The following PLS1 variants were observed in gnomAD, a reference collection of about 807,000 sequenced individuals.
PLS1 encodes the protein plastin-1.
PLS1 carries 32 observed loss-of-function variants against 73.7 expected under a neutral mutation model. That is an observed-to-expected ratio of 0.43 (90% CI 0.33 to 0.58). The LOEUF is 0.58. Ranked by LOEUF, PLS1 falls within the 20% of genes least tolerant of loss-of-function variation. PLS1 has a pLI of 0.04. For missense variants in PLS1, 633 were observed against 740.5 expected, an observed-to-expected ratio of 0.85 and a Z score of 1.68; for synonymous variants, 217 against 261.3, an observed-to-expected ratio of 0.83 and a Z score of 1.63.
intron 1 of PLS1, among the ~76,000 whole-genome samples, chr3:142,611,698 T>C (rs1388903021): frequency 1.3e-5 from 2 of 152,202 alleles, no homozygotes; most frequent in Non-Finnish European, 2.9e-5. Flanking sequence ...ATGTACATAC[T>C]ATATACATAA....
chr3:142,663,626 G>A (rs2037418721), intron 1 of PLS1, among the ~76,000 whole-genome samples: 1 of 152,122 alleles, frequency 6.6e-6, no homozygotes, highest in African/African-American at 2.4e-5. Flanking sequence ...TTAAGCCTAG[G>A]AGTTCGGGAC....
At chr3:142,693,826 G>T (rs942055831) in intron 10 of PLS1, among the ~76,000 whole-genome samples, 3 of 150,996 alleles carry the variant, frequency 2.0e-5, no homozygotes, top group Non-Finnish European at 4.4e-5. Flanking sequence ...GATGAAATCT[G>T]TCTTTCTCTT....
At chr3:142,621,764 T>A (rs2036319805) in intron 1 of PLS1, among the ~76,000 whole-genome samples, 1 of 152,214 alleles carries the variant, frequency 6.6e-6, no homozygotes, top group Non-Finnish European at 1.5e-5. Context: ...ATCCATTTTT[T>A]AAAAGGACAC....
chr3:142,695,610 A>AT (rs1160317178), intron 11 of PLS1, among the ~76,000 whole-genome samples: 11 of 152,324 alleles, frequency 7.2e-5, no homozygotes, highest in Admixed American at 7.2e-4. Flanking sequence ...ATAGTCAAGA[A>AT]AAAAGAATAA....
intron 1 of PLS1, among the ~76,000 whole-genome samples, chr3:142,634,807 A>G (rs1434989227): frequency 6.6e-6 from 1 of 152,166 alleles, no homozygotes; most frequent in Admixed American, 6.6e-5. Flanking sequence ...ACATGAGTAA[A>G]CAGATAAGAT....
Position 142,632,936 on chromosome 3 carries a change from T to A in PLS1, c.-36-31266T>A, listed in dbSNP as rs183675103. 3.3e-5 allele frequency among the ~76,000 whole-genome samples: 5 copies of A among 152,314 alleles called. No homozygotes were observed. In the East Asian group the frequency reaches 9.6e-4, roughly 29 times the overall value. On this transcript the variant is annotated intron_variant, in intron 1 of 15. Coordinates refer to ENST00000457734, the MANE Select transcript of PLS1 (RefSeq NM_001145319.2). ...TTAAACAGATATTTGCATATCCATG[T>A]TCATTGCATCATTAGTCACAACAGT...
At position 142,704,365 on chromosome 3, in the gene PLS1, T is replaced by C; in HGVS notation, c.1506-98T>C. The C allele has an allele frequency of 3.2e-6, 3 of 932,020 alleles. No individual in the cohort carries two copies. The South Asian group carries it at 5.1e-5, about 16-fold the overall frequency. The allele number at this position is 932,020 out of a possible 1,614,324, so 57.7% of individuals were successfully genotyped here. A position where few individuals can be genotyped will look rare whatever the true frequency, so the allele number is the denominator to read the frequency against. On this transcript the variant is annotated intron_variant, in intron 13 of 15. Transcript: ENST00000457734. ...TAAAATTAGAAATATTTATTAGAACTGAACTATTTCTTAAGTATTTATCTA... is the reference window on the plus strand; with the variant it reads ...TAAAATTAGAAATATTTATTAGAACCGAACTATTTCTTAAGTATTTATCTA...
chr3:142,639,883 A>C (rs182083786), intron 1 of PLS1, among the ~76,000 whole-genome samples: 10 of 152,330 alleles, frequency 6.6e-5, no homozygotes, highest in Admixed American at 1.3e-4. Flanking sequence ...CATAGTGTTA[A>C]ACACTAAGCA....
intron 1 of PLS1, among the ~76,000 whole-genome samples, chr3:142,631,604 T>C (rs2036564568): frequency 1.6e-5 from 2 of 127,166 alleles, no homozygotes; most frequent in African/African-American, 6.0e-5. Context: ...GAGGGTGCAG[T>C]GCGCCAAGAT....
intron 1 of PLS1, among the ~76,000 whole-genome samples, chr3:142,612,563 A>G (rs2036143245): frequency 6.6e-6 from 1 of 152,068 alleles, no homozygotes; most frequent in African/African-American, 2.4e-5. Flanking sequence ...AGTAAACACA[A>G]CTGAAAGATT....
At chr3:142,683,926 A>ATTGTTTCT in intron 6 of PLS1, 80 bp from the exon 7 acceptor site, 2 of 1,006,192 alleles carry the variant, frequency 2.0e-6, no homozygotes. Flanking sequence ...TTGGCAGTCC[A>ATTGTTTCT]TTGTTTCTTA....
chr3:142,637,987 C>T (rs369886718), intron 1 of PLS1, among the ~76,000 whole-genome samples: 48 of 152,186 alleles, frequency 3.2e-4, no homozygotes, highest in African/African-American at 9.4e-4. Context: ...CCAGCGCCAT[C>T]GGAAAAGGTG....
At chr3:142,647,842 C>A (rs2036992318) in intron 1 of PLS1, among the ~76,000 whole-genome samples, 1 of 152,146 alleles carries the variant, frequency 6.6e-6, no homozygotes, top group Non-Finnish European at 1.5e-5. Flanking sequence ...CTACTTATTT[C>A]ATTCTAGACT....
intron 1 of PLS1, among the ~76,000 whole-genome samples, chr3:142,641,102 A>G (rs994209205): frequency 1.3e-5 from 2 of 149,774 alleles, no homozygotes; most frequent in Non-Finnish European, 3.0e-5. Flanking sequence ...TGAAGTTGCA[A>G]TGAGCTAATG....
chr3:142,642,272 A>T (rs900091448), intron 1 of PLS1, among the ~76,000 whole-genome samples: 1 of 152,114 alleles, frequency 6.6e-6, no homozygotes, highest in Non-Finnish European at 1.5e-5. Context: ...TGAGAACATG[A>T]TTTTTAATTA....
chr3:142,678,113 TGTAA>T lies in PLS1; in HGVS notation c.579+4_579+7del, dbSNP rs2037761652. On this transcript the variant is annotated splice_donor_variant and splice_donor_region_variant and intron_variant, in intron 6 of 15. Transcript: ENST00000457734. LOFTEE classifies it high-confidence loss of function. The stretch of plus-strand genomic sequence containing the variant: ...AAAAGCTCACGCCATTCACTATTTC[TGTAA>T]GTATTTGCCCTTTGCTTATTATCAT... The T allele has an allele frequency of 2.1e-6, 3 of 1,461,666 alleles. No individual in the cohort carries two copies. Among genetic ancestry groups the T allele is most frequent in the Non-Finnish European group, 1.9e-6 (2 of 1,067,342 alleles). 90.5% of individuals were successfully genotyped at this position (1,461,666 alleles called of 1,614,324 possible). A position where few individuals can be genotyped will look rare whatever the true frequency, so the allele number is the denominator to read the frequency against.
intron 1 of PLS1, among the ~76,000 whole-genome samples, chr3:142,656,011 G>T (rs908131019): frequency 2.0e-5 from 3 of 152,022 alleles, no homozygotes; most frequent in Admixed American, 2.0e-4. Flanking sequence ...ACCCAGGCTG[G>T]AGTGCAGTGG....
At chr3:142,630,437 A>C (rs1338970769) in intron 1 of PLS1, among the ~76,000 whole-genome samples, 1,966 of 132,312 alleles carry the variant, frequency 0.015, 42 homozygotes, top group African/African-American at 0.044. Flanking sequence ...AAAAAAAAAA[A>C]AAACAAACAA....
chr3:142,684,886 G>A (rs533946810), intron 8 of PLS1, among the ~76,000 whole-genome samples: 2 of 152,250 alleles, frequency 1.3e-5, no homozygotes, highest in East Asian at 3.9e-4. Flanking sequence ...CCTCTCTACT[G>A]GGAGAATCTT....
Sources: gnomAD v4.1 joint callset for allele counts (sites outside exome capture counted in the v4.1 genomes callset) on GRCh38, gnomAD v4.1.1 for gene constraint, MANE v1.5 for transcripts, NCBI Gene and HGNC (gene_info 2026-07-23, HGNC 2026-07-21) for gene names.